Variants in XKR6 observed in about 807,000 individuals in gnomAD.
The protein encoded by XKR6 is XK related 6.
Under a neutral mutation model 56.7 loss-of-function variants are expected in XKR6, and 22 were observed. The ratio of observed to expected loss-of-function variants is 0.39; its 90% confidence interval spans 0.28 to 0.55. The LOEUF (loss-of-function observed/expected upper bound fraction) is 0.55. Ranked by LOEUF, XKR6 falls within the 20% of genes least tolerant of loss-of-function variation. XKR6 has a pLI of 0.66. For synonymous variants in XKR6, 524 were observed against 387.8 expected, an observed-to-expected ratio of 1.35 and a Z score of -4.13; for missense variants, 852 against 889.0, an observed-to-expected ratio of 0.96 and a Z score of 0.53.
At chr8:11,067,243 T>C (rs531166403) in intron 1 of XKR6, among the ~76,000 whole-genome samples, 87 of 152,306 alleles carry the variant, frequency 5.7e-4, no homozygotes, top group African/African-American at 1.9e-3. Context: ...GGCAAGAGCC[T>C]GGGGCGGCAG....
At chr8:11,197,388 A>G (rs1803949002) in intron 1 of XKR6, among the ~76,000 whole-genome samples, 1 of 152,202 alleles carries the variant, frequency 6.6e-6, no homozygotes, top group Non-Finnish European at 1.5e-5. Flanking sequence ...AGAAAGGAAA[A>G]CTTGCATACA....
At chr8:11,160,210 G>A (rs1801726153) in intron 1 of XKR6, among the ~76,000 whole-genome samples, 3 of 152,046 alleles carry the variant, frequency 2.0e-5, no homozygotes. Context: ...CAAAAAAAAA[G>A]TAAATTCCTT....
At chr8:11,068,059 G>C (rs1407656319) in intron 1 of XKR6, among the ~76,000 whole-genome samples, 1 of 152,216 alleles carries the variant, frequency 6.6e-6, no homozygotes, top group Non-Finnish European at 1.5e-5. Flanking sequence ...CCTGTCTCCA[G>C]GGCCGGCCTC....
intron 1 of XKR6, among the ~76,000 whole-genome samples, chr8:11,161,440 T>C (rs972366266): frequency 1.6e-4 from 24 of 152,172 alleles, no homozygotes; most frequent in Admixed American, 3.9e-4. Flanking sequence ...AAAACCTAGA[T>C]TGTCTTTAAC....
intron 1 of XKR6, chr8:11,108,260 A>C (rs891883054): frequency 2.2e-6 from 1 of 455,908 alleles, no homozygotes; most frequent in Non-Finnish European, 4.4e-6. Context: ...ATAAGGAAGG[A>C]ATTATCTGTG....
chr8:10,922,650 G>A (rs549760546), intron 2 of XKR6, among the ~76,000 whole-genome samples: 1 of 152,270 alleles, frequency 6.6e-6, no homozygotes, highest in African/African-American at 2.4e-5. Flanking sequence ...TGTGAGGCAG[G>A]GACTCCCATG....
intron 1 of XKR6, among the ~76,000 whole-genome samples, chr8:11,010,728 A>G (rs1251293970): frequency 6.6e-6 from 1 of 152,060 alleles, no homozygotes; most frequent in East Asian, 1.9e-4. Flanking sequence ...CATTTCATTG[A>G]CAGTCTTCTT....
At chr8:11,172,694 G>A (rs1165168943) in intron 1 of XKR6, among the ~76,000 whole-genome samples, 2 of 151,894 alleles carry the variant, frequency 1.3e-5, no homozygotes, top group African/African-American at 4.8e-5. Flanking sequence ...TTCAACCACA[G>A]AAAAAGCTTC....
chr8:10,973,299 G>A (rs913849402), intron 1 of XKR6, among the ~76,000 whole-genome samples: 4 of 152,152 alleles, frequency 2.6e-5, no homozygotes, highest in Non-Finnish European at 1.5e-5. Flanking sequence ...ATTCCTCCAA[G>A]GTCAGTCATC....
At chr8:11,037,960 G>C (rs1033045657) in intron 1 of XKR6, among the ~76,000 whole-genome samples, 11 of 150,896 alleles carry the variant, frequency 7.3e-5, no homozygotes, top group African/African-American at 2.4e-4. Context: ...CCAGGAGGCA[G>C]AGGTTGTAGT....
chr8:10,941,700 A>G (rs1801390960), intron 1 of XKR6, among the ~76,000 whole-genome samples: 2 of 152,180 alleles, frequency 1.3e-5, no homozygotes, highest in African/African-American at 4.8e-5. Context: ...CTGTGTGGCT[A>G]CGTGGCCTGG....
chr8:11,109,540 C>A (rs548189045), intron 1 of XKR6: 6 of 152,290 alleles, frequency 3.9e-5, no homozygotes, highest in East Asian at 1.9e-4. Context: ...AGCTCCAGAC[C>A]CGGCATGGAC....
intron 1 of XKR6, among the ~76,000 whole-genome samples, chr8:11,136,712 G>C (rs1257124984): frequency 6.6e-6 from 1 of 152,066 alleles, no homozygotes; most frequent in Non-Finnish European, 1.5e-5. Context: ...ACCAGGAAGA[G>C]GTCTTCACCA....
At chr8:11,102,753 T>C (rs893677460) in intron 1 of XKR6, among the ~76,000 whole-genome samples, 1 of 152,182 alleles carries the variant, frequency 6.6e-6, no homozygotes, top group Admixed American at 6.5e-5. Flanking sequence ...GAAGAGTTAA[T>C]GTGCAGTGCT....
chr8:11,097,232 T>C (rs1798291424), intron 1 of XKR6, among the ~76,000 whole-genome samples: 1 of 152,168 alleles, frequency 6.6e-6, no homozygotes, highest in Admixed American at 6.5e-5. Context: ...ATAATAAAAG[T>C]ATTTGTGTAT....
chr8:11,159,876 G>C (rs1276816210), intron 1 of XKR6, among the ~76,000 whole-genome samples: 1 of 152,158 alleles, frequency 6.6e-6, no homozygotes, highest in African/African-American at 2.4e-5. Flanking sequence ...TTGTTGATTA[G>C]AGATATGATG....
At chr8:11,181,551 G>A (rs1176002994) in intron 1 of XKR6, among the ~76,000 whole-genome samples, 1 of 152,126 alleles carries the variant, frequency 6.6e-6, no homozygotes, top group Admixed American at 6.6e-5. Context: ...CCTTTATTTG[G>A]AGAATTTATT....
intron 1 of XKR6, among the ~76,000 whole-genome samples, chr8:11,180,866 T>G (rs1006941874): frequency 3.3e-5 from 5 of 152,182 alleles, no homozygotes; most frequent in Non-Finnish European, 7.3e-5. Context: ...ATGATCATGT[T>G]ATTGCACTAC....
At chr8:11,179,505 G>A (rs80019756) in intron 1 of XKR6, among the ~76,000 whole-genome samples, 1 of 152,060 alleles carries the variant, frequency 6.6e-6, no homozygotes, top group Non-Finnish European at 1.5e-5. Flanking sequence ...ATATGCACAT[G>A]TGTGTGTGTC....
Sources: gnomAD v4.1 joint callset for allele counts (sites outside exome capture counted in the v4.1 genomes callset) on GRCh38, gnomAD v4.1.1 for gene constraint, MANE v1.5 for transcripts, NCBI Gene and HGNC (gene_info 2026-07-23, HGNC 2026-07-21) for gene names.